The following APC variants were observed in gnomAD, a reference collection of about 807,000 sequenced individuals.
APC encodes APC regulator of Wnt signaling pathway, also known as adenomatous polyposis coli protein.
APC carries 72 observed loss-of-function variants against 247.0 expected under a neutral mutation model. The ratio of observed to expected loss-of-function variants is 0.29; its 90% confidence interval spans 0.24 to 0.35. APC has a LOEUF of 0.35. Among genes scored for constraint, APC ranks in the 10% least tolerant of loss-of-function variants. The probability of loss-of-function intolerance (pLI) is 1.00; values close to 1 mark genes in which losing one functional copy is unlikely to be tolerated. For missense variants in APC, 3,400 were observed against 3,360.7 expected (o/e 1.01, Z -0.29); for synonymous variants, 1,254 against 1,162.5 (o/e 1.08, Z -1.60).
chr5:112,828,713 T>C, intron 13 of APC, 143 bp from the exon 14 acceptor site: 1 of 613,942 alleles, frequency 1.6e-6, no homozygotes. Flanking sequence ...CCTCCCAAAG[T>C]GATAGGATTA....
chr5:112,712,828 T>G (rs1750935513), intron 1 of APC, among the ~76,000 whole-genome samples: 1 of 152,214 alleles, frequency 6.6e-6, no homozygotes, highest in East Asian at 1.9e-4. Context: ...GAATATATCT[T>G]GTTTAGTTAG....
intron 1 of APC, among the ~76,000 whole-genome samples, chr5:112,747,165 C>G (rs1247540862): frequency 6.6e-6 from 1 of 151,992 alleles, no homozygotes; most frequent in Non-Finnish European, 1.5e-5. Context: ...GGTGGTCATT[C>G]ACAGCAACTC....
intron 13 of APC, 58 bp from the exon 14 acceptor site, chr5:112,828,798 A>T (rs746335672): frequency 2.3e-6 from 3 of 1,316,352 alleles, no homozygotes; most frequent in Non-Finnish European, 3.3e-6. Context: ...CATTAAAAAC[A>T]AAAAAGCAAC....
chr5:112,788,063 C>G (rs1286711775), intron 6 of APC, among the ~76,000 whole-genome samples: 2 of 152,174 alleles, frequency 1.3e-5, no homozygotes, highest in East Asian at 3.9e-4. Flanking sequence ...GCACTAGTTC[C>G]TCATCGATGA....
chr5:112,741,126 T>C (rs539327998), intron 1 of APC, among the ~76,000 whole-genome samples: 24 of 152,072 alleles, frequency 1.6e-4, no homozygotes, highest in Non-Finnish European at 3.5e-4. Flanking sequence ...CTTCTAAATA[T>C]CATCTTTGAA....
At chr5:112,715,210 A>C (rs1238245394) in intron 1 of APC, among the ~76,000 whole-genome samples, 2 of 152,212 alleles carry the variant, frequency 1.3e-5, no homozygotes, top group Non-Finnish European at 2.9e-5. Flanking sequence ...AATTGAACAA[A>C]TATTTTTGAA....
In APC at chr5:112,747,192, A is replaced by G. The variant is rs193296029; in HGVS notation, c.-18-7681A>G. Reference sequence around the variant, plus strand: ...CAGCAACTCAAATAGCCAAAAGCCTAGGGATAAATTTGATGTGAAAGATAC... The same window carrying G: ...CAGCAACTCAAATAGCCAAAAGCCTGGGGATAAATTTGATGTGAAAGATAC... On this transcript the variant is annotated intron_variant, in intron 1 of 15. Coordinates refer to ENST00000257430, the MANE Select transcript of APC (RefSeq NM_000038.6). Among the ~76,000 whole-genome samples the G allele has an allele frequency of 7.9e-3, 1,205 of 152,160 alleles. 22 individuals are homozygous for G. Among genetic ancestry groups the G allele is most frequent in the Non-Finnish European group, 1.0e-2 (680 of 68,006 alleles).
chr5:112,723,206 G>T (rs1429295654), intron 1 of APC, among the ~76,000 whole-genome samples: 1 of 152,142 alleles, frequency 6.6e-6, no homozygotes, highest in African/African-American at 2.4e-5. Flanking sequence ...GGCTGGGCGT[G>T]GTGGCTCACG....
chr5:112,808,012 A>C (rs371148359), intron 8 of APC, among the ~76,000 whole-genome samples: 1 of 152,034 alleles, frequency 6.6e-6, no homozygotes, highest in Non-Finnish European at 1.5e-5. Flanking sequence ...AAAATTAGCC[A>C]GATGTGGTGG....
chr5:112,832,243 T>C (rs967886704), intron 14 of APC, among the ~76,000 whole-genome samples: 2 of 152,180 alleles, frequency 1.3e-5, no homozygotes, highest in Non-Finnish European at 2.9e-5. Flanking sequence ...TACCTTCAAC[T>C]CTCAACTCTG....
intron 2 of APC, among the ~76,000 whole-genome samples, chr5:112,757,533 G>C (rs532093275): frequency 1.3e-4 from 20 of 152,144 alleles, no homozygotes; most frequent in Non-Finnish European, 2.9e-4. Context: ...AGGAATTTGA[G>C]ACCAGCCTGG....
At chr5:112,718,543 T>C (rs937560110) in intron 1 of APC, among the ~76,000 whole-genome samples, 7 of 152,238 alleles carry the variant, frequency 4.6e-5, no homozygotes, top group African/African-American at 1.7e-4. Flanking sequence ...TGGTCCCCTG[T>C]GCCTGCAATG....
chr5:112,821,525 TAAAG>T (rs928657029), intron 10 of APC, among the ~76,000 whole-genome samples: 47 of 152,022 alleles, frequency 3.1e-4, no homozygotes, highest in South Asian at 1.0e-3. Flanking sequence ...GTTGTTTTTT[TAAAG>T]AAAGAAAGAA....
intron 6 of APC, among the ~76,000 whole-genome samples, chr5:112,784,317 C>A (rs374698540): frequency 6.6e-6 from 1 of 152,202 alleles, no homozygotes; most frequent in Non-Finnish European, 1.5e-5. Flanking sequence ...ATCTGCCTGC[C>A]TTGACCTCCC....
chr5:112,764,661 G>T (rs993495518), intron 2 of APC, among the ~76,000 whole-genome samples: 1 of 152,208 alleles, frequency 6.6e-6, no homozygotes, highest in South Asian at 2.1e-4. Context: ...GTGAAGTTAG[G>T]ATTCGAGACA....
At chr5:112,771,752 T>C (rs980168550) in intron 4 of APC, among the ~76,000 whole-genome samples, 3 of 152,222 alleles carry the variant, frequency 2.0e-5, no homozygotes, top group South Asian at 2.1e-4. Context: ...TTTTCTGTTA[T>C]ATTACTTCTT....
chr5:112,757,748 C>CT (rs1249842024), intron 2 of APC, among the ~76,000 whole-genome samples: 2 of 152,056 alleles, frequency 1.3e-5, no homozygotes, highest in Non-Finnish European at 2.9e-5. Flanking sequence ...AACCGGATTA[C>CT]TTAAAGTCTA....
rs751120046 is a variant in APC, at chr5:112,827,959, A to C, written c.1579A>C (p.Arg527=). The change falls in exon 13 of 16, where the codon AGA becomes CGA. Residue 527 remains arginine, a synonymous_variant. Coordinates refer to ENST00000257430, the MANE Select transcript of APC (RefSeq NM_000038.6). The part of the protein sequence containing the change: ...ATLCSMKGCM[R]ALVAQLKSES... ...GCTATGCTCTATGAAAGGCTGCATG[A>C]GAGCACTTGTGGCCCAACTAAAATC... is the stretch of plus-strand genomic sequence containing the variant. 6.2e-7 allele frequency: 1 copy of C among 1,613,404 alleles called. No homozygotes were observed. The highest frequency in any genetic ancestry group is 8.5e-7 in the Non-Finnish European group (1 of 1,179,924).
At chr5:112,798,197 A>C (rs1241747458) in intron 7 of APC, among the ~76,000 whole-genome samples, 3 of 152,254 alleles carry the variant, frequency 2.0e-5, no homozygotes, top group Non-Finnish European at 4.4e-5. Flanking sequence ...CAACTAGTGA[A>C]TAAATAAACA....
Sources: allele counts gnomAD v4.1 joint callset (sites outside exome capture counted in the v4.1 genomes callset), GRCh38; gene constraint gnomAD v4.1.1; transcripts MANE v1.5; gene names NCBI Gene and HGNC (gene_info 2026-07-23, HGNC 2026-07-21).